Variants in STK33 observed in about 807,000 individuals in gnomAD.
STK33 encodes the protein serine/threonine kinase 33.
A neutral mutation model predicts 58.0 loss-of-function variants in STK33; 52 were observed. The ratio of observed to expected loss-of-function variants is 0.90; its 90% CI spans 0.72 to 1.13. STK33 has a LOEUF of 1.13. STK33 is among the 50% of genes most tolerant of loss of function. The probability of loss-of-function intolerance (pLI) is 0.00; values close to 1 mark genes in which losing one functional copy is unlikely to be tolerated. For missense variants in STK33, 630 were observed against 604.2 expected (o/e 1.04, Z -0.45); for synonymous variants, 215 against 200.1 (o/e 1.07, Z -0.63).
At chr11:8,423,395 G>C (rs138783519) in intron 14 of STK33, among the ~76,000 whole-genome samples, 130 of 151,988 alleles carry the variant, frequency 8.6e-4, no homozygotes, top group African/African-American at 3.0e-3. Flanking sequence ...TGAAGTACAT[G>C]TTTGCTGTAT....
intron 11 of STK33, among the ~76,000 whole-genome samples, chr11:8,447,018 A>G (rs1462793208): frequency 6.6e-6 from 1 of 152,248 alleles, no homozygotes; most frequent in African/African-American, 2.4e-5. Flanking sequence ...AACTATCATC[A>G]GAGTGAACAG....
chr11:8,447,205 G>A (rs938882738), intron 11 of STK33, among the ~76,000 whole-genome samples: 3 of 152,072 alleles, frequency 2.0e-5, no homozygotes, highest in African/African-American at 7.2e-5. Context: ...CATACCAGAG[G>A]TACAAGGAGG....
chr11:8,464,622 G>A lies in STK33; in HGVS notation c.453+87C>T, dbSNP rs1247860608. On this transcript the variant is annotated intron_variant, in intron 7 of 15. Transcript: ENST00000687296. ...GCCTGGGACCTCAGGGTGAGAGGCA[G>A]CTTGTGTTAGTGTAAAAAGCTGTAC... The A allele has an allele frequency of 1.1e-5, 10 of 877,374 alleles. No homozygotes were observed. The East Asian group carries it at 2.3e-4, about 20-fold the overall frequency. 54.3% of individuals were successfully genotyped at this position (877,374 alleles called of 1,614,324 possible).
chr11:8,562,282 C>G (rs774382804), intron 1 of STK33, among the ~76,000 whole-genome samples: 14 of 151,954 alleles, frequency 9.2e-5, no homozygotes, highest in Non-Finnish European at 1.8e-4. Context: ...TTCTTTCTTC[C>G]TCTCCACTTC....
At chr11:8,352,216 C>G in the STK33 span, among the ~76,000 whole-genome samples, 9,226 of 152,228 alleles carry the variant, frequency 0.061, 313 homozygotes, top group Non-Finnish European at 0.073. Flanking sequence ...ATGCTGTGGC[C>G]AGAGCCTAGC....
chr11:8,528,760 G>A (rs532309523), intron 1 of STK33, among the ~76,000 whole-genome samples: 42 of 152,264 alleles, frequency 2.8e-4, no homozygotes, highest in African/African-American at 8.4e-4. Flanking sequence ...AAGCTTTTAC[G>A]GTGAATTCTG....
At chr11:8,542,696 T>C (rs1171557836) in intron 1 of STK33, among the ~76,000 whole-genome samples, 1 of 152,106 alleles carries the variant, frequency 6.6e-6, no homozygotes, top group Non-Finnish European at 1.5e-5. Context: ...AATGAATTAA[T>C]GAATTTTAAT....
chr11:8,427,426 C>T (rs926283761), intron 14 of STK33, among the ~76,000 whole-genome samples: 45 of 152,062 alleles, frequency 3.0e-4, no homozygotes, highest in Admixed American at 1.6e-3. Flanking sequence ...AATTTCATTA[C>T]GTCTATTTGT....
intron 14 of STK33, among the ~76,000 whole-genome samples, chr11:8,425,902 G>C (rs1449803262): frequency 1.3e-5 from 2 of 152,008 alleles, no homozygotes; most frequent in African/African-American, 4.8e-5. Flanking sequence ...ATGCAGATGG[G>C]CACATGTGGG....
intron 1 of STK33, among the ~76,000 whole-genome samples, chr11:8,536,521 C>T (rs952205055): frequency 1.3e-5 from 2 of 152,126 alleles, no homozygotes; most frequent in Non-Finnish European, 2.9e-5. Context: ...ATTAGCCTCA[C>T]TTAAAAGTAG....
At chr11:8,341,131 A>T in the STK33 span, among the ~76,000 whole-genome samples, 1 of 152,150 alleles carries the variant, frequency 6.6e-6, no homozygotes, top group African/African-American at 2.4e-5. Flanking sequence ...TGCTGGGATT[A>T]CAGGCGTGAG....
the STK33 span, among the ~76,000 whole-genome samples, chr11:8,384,320 C>T: frequency 1.8e-4 from 28 of 152,256 alleles, no homozygotes; most frequent in East Asian, 4.1e-3. Flanking sequence ...GGATAAGGGC[C>T]GCTGGAGGGC....
chr11:8,554,785 G>A (rs1285045652), intron 1 of STK33, among the ~76,000 whole-genome samples: 1 of 152,054 alleles, frequency 6.6e-6, no homozygotes, highest in Non-Finnish European at 1.5e-5. Flanking sequence ...AAATCCATAT[G>A]TCAGAAGGAG....
At chr11:8,563,743 A>C (rs949498557) in intron 1 of STK33, among the ~76,000 whole-genome samples, 1 of 152,218 alleles carries the variant, frequency 6.6e-6, no homozygotes, top group Non-Finnish European at 1.5e-5. Context: ...CTGGAAAATA[A>C]TGTCACTAAC....
chr11:8,410,930 G>T (rs1208356142), intron 15 of STK33, among the ~76,000 whole-genome samples: 1 of 152,186 alleles, frequency 6.6e-6, no homozygotes, highest in Non-Finnish European at 1.5e-5. Flanking sequence ...TATGGTTATG[G>T]GGAGGTATAC....
chr11:8,474,367 A>C (rs1264049526), intron 5 of STK33, among the ~76,000 whole-genome samples: 1 of 152,198 alleles, frequency 6.6e-6, no homozygotes, highest in Non-Finnish European at 1.5e-5. Context: ...AGTTGAAGAA[A>C]ATACTCAAAA....
rs542263736 is a variant in STK33, at chr11:8,559,380, T to C, written c.-466+34703A>G. On this transcript the variant is annotated intron_variant, in intron 1 of 15. Coordinates refer to ENST00000687296, the MANE Select transcript of STK33 (RefSeq NM_001352389.2). Reference sequence around the variant, plus strand: ...TTCTAGGTTGGTGGCATGACAATCATGTAATAAAAACAGTGTTCACTAACA... The same window carrying C: ...TTCTAGGTTGGTGGCATGACAATCACGTAATAAAAACAGTGTTCACTAACA... 2.0e-5 allele frequency among the ~76,000 whole-genome samples: 3 copies of C among 152,298 alleles called. No individual in the cohort carries two copies. The East Asian group carries it at 5.8e-4, about 29-fold the overall frequency.
chr11:8,445,475 C>A (rs1349981439), intron 11 of STK33, among the ~76,000 whole-genome samples: 1 of 152,222 alleles, frequency 6.6e-6, no homozygotes, highest in Non-Finnish European at 1.5e-5. Context: ...AAAGGGAATG[C>A]TTCCAGCTTT....
Position 8,540,127 on chromosome 11 carries a change from C to T in STK33, c.-466+53956G>A, listed in dbSNP as rs1044555105. ...ATATGCACTCCCATGTTGATTACCGCATTATTCACAATAGCCAAGATATGA... is the reference window on the plus strand; with the variant it reads ...ATATGCACTCCCATGTTGATTACCGTATTATTCACAATAGCCAAGATATGA... On this transcript the variant is annotated intron_variant, in intron 1 of 15. Transcript: ENST00000687296. Among the ~76,000 whole-genome samples the T allele has an allele frequency of 1.3e-4, 20 of 152,196 alleles. No individual in the cohort carries two copies. The South Asian group carries it at 1.5e-3, about 11-fold the overall frequency.
Sources: gnomAD v4.1 joint callset for allele counts (sites outside exome capture counted in the v4.1 genomes callset) on GRCh38, gnomAD v4.1.1 for gene constraint, MANE v1.5 for transcripts, NCBI Gene and HGNC (gene_info 2026-07-23, HGNC 2026-07-21) for gene names.